Variants in CDKL1 observed in about 807,000 individuals in gnomAD.
The protein encoded by CDKL1 is cyclin dependent kinase like 1.
A neutral mutation model predicts 42.0 loss-of-function variants in CDKL1; 41 were observed. The ratio of observed to expected loss-of-function variants is 0.98; its 90% CI spans 0.76 to 1.27. The LOEUF is 1.27. Among genes scored for constraint, CDKL1 ranks in the 50% most tolerant of loss-of-function variants. The pLI is 0.00. For synonymous variants in CDKL1, 153 were observed against 158.6 expected, an observed-to-expected ratio of 0.96 and a Z score of 0.26; for missense variants, 394 against 428.4, an observed-to-expected ratio of 0.92 and a Z score of 0.71.
intron 2 of CDKL1, chr14:50,378,163 G>A: frequency 1.5e-6 from 2 of 1,365,934 alleles, no homozygotes; most frequent in Non-Finnish European, 2.0e-6. Flanking sequence ...CTGTAGGTTA[G>A]CTGCTTCCTT....
At chr14:50,377,527 A>C (rs774371418) in intron 2 of CDKL1, 3 of 1,279,220 alleles carry the variant, frequency 2.3e-6, no homozygotes, top group South Asian at 1.4e-5. Context: ...TGCACAGTCT[A>C]AGACCATTGG....
upstream of CDKL1, chr14:50,397,013 A>C: frequency 3.5e-6 from 4 of 1,145,468 alleles, no homozygotes; most frequent in Non-Finnish European, 4.6e-6. Flanking sequence ...GGCTGCAGGG[A>C]AAGGCCTCGG....
At chr14:50,378,085 C>T (rs2034786117) in intron 2 of CDKL1, 2 of 1,156,784 alleles carry the variant, frequency 1.7e-6, no homozygotes, top group African/African-American at 3.2e-5. Flanking sequence ...CGAGAAAGAG[C>T]CTGAGAATCT....
chr14:50,346,849 A>T (rs1001566017), intron 3 of CDKL1, among the ~76,000 whole-genome samples: 1 of 151,838 alleles, frequency 6.6e-6, no homozygotes, highest in Admixed American at 6.6e-5. Flanking sequence ...GAGTTTCACC[A>T]TGTTGACCAG....
intron 2 of CDKL1, among the ~76,000 whole-genome samples, chr14:50,385,063 T>A (rs2035033925): frequency 9.9e-6 from 1 of 100,950 alleles, no homozygotes; most frequent in South Asian, 4.0e-4. Flanking sequence ...AGAGCAAGAC[T>A]CTGTCTCAAA....
intron 2 of CDKL1, among the ~76,000 whole-genome samples, chr14:50,367,945 AATTTTC>A (rs1334294940): frequency 6.6e-6 from 1 of 152,076 alleles, no homozygotes; most frequent in Non-Finnish European, 1.5e-5. Context: ...TGTTTTTTAA[AATTTTC>A]ATTTTCAAAT....
At chr14:50,341,409 T>G (rs1452335005) in intron 5 of CDKL1, among the ~76,000 whole-genome samples, 177 bp from the exon 6 acceptor site, 1 of 130,692 alleles carries the variant, frequency 7.7e-6, no homozygotes, top group African/African-American at 2.7e-5. Context: ...TTACTGATGC[T>G]CAAGCCACAC....
chr14:50,362,943 T>G, intron 2 of CDKL1: 1 of 463,766 alleles, frequency 2.2e-6, no homozygotes, highest in Non-Finnish European at 4.5e-6. Flanking sequence ...TTGCAATAAA[T>G]CTTGCTGCTG....
chr14:50,340,463 T>C (rs2033472945), intron 6 of CDKL1, among the ~76,000 whole-genome samples: 1 of 152,116 alleles, frequency 6.6e-6, no homozygotes, highest in Admixed American at 6.5e-5. Flanking sequence ...GGTTTTTTTT[T>C]CTCATCTTCC....
intron 2 of CDKL1, among the ~76,000 whole-genome samples, chr14:50,385,667 G>A (rs571532086): frequency 1.4e-4 from 22 of 152,112 alleles, no homozygotes; most frequent in East Asian, 1.4e-3. Context: ...AGCCAGGCGC[G>A]GTGGCAGGTG....
chr14:50,395,005 T>C (rs1474315200), intron 2 of CDKL1, among the ~76,000 whole-genome samples: 1 of 152,198 alleles, frequency 6.6e-6, no homozygotes, highest in African/African-American at 2.4e-5. Context: ...AAGTGATCAT[T>C]TCACTTCTTT....
chr14:50,345,923 G>A (rs1303636643), intron 3 of CDKL1, among the ~76,000 whole-genome samples: 2 of 152,134 alleles, frequency 1.3e-5, no homozygotes, highest in African/African-American at 2.4e-5. Flanking sequence ...CATCTCGCCT[G>A]GAAACATTTA....
intron 2 of CDKL1, among the ~76,000 whole-genome samples, chr14:50,381,418 T>C (rs1237621853): frequency 6.6e-6 from 1 of 152,188 alleles, no homozygotes; most frequent in African/African-American, 2.4e-5. Context: ...GGTAGCTCCT[T>C]TTCCCAACTC....
chr14:50,369,633 C>T (rs1043756080), intron 2 of CDKL1, among the ~76,000 whole-genome samples: 4 of 149,298 alleles, frequency 2.7e-5, no homozygotes, highest in Admixed American at 6.7e-5. Flanking sequence ...CACACACACA[C>T]ACATATATAT....
intron 2 of CDKL1, among the ~76,000 whole-genome samples, chr14:50,388,884 G>T (rs945132609): frequency 6.6e-6 from 1 of 151,774 alleles, no homozygotes; most frequent in Non-Finnish European, 1.5e-5. Flanking sequence ...CGGATCATGA[G>T]ATCAGGAGTT....
Position 50,328,926 on chromosome 14 carries a change from C to CACAT in CDKL1, c.*1144_*1147dup, listed in dbSNP as rs1336458731. On this transcript the variant is annotated 3_prime_UTR_variant, in exon 10 of 10. Transcript: ENST00000395834. ...AGGTTTTATATATATATATAAAAAA[C>CACAT]ACATATATATATATGTGTGTGTGTG... 4.6e-5 allele frequency: 4 copies of CACAT among 87,260 alleles called. No individual in the cohort carries two copies. Among genetic ancestry groups the CACAT allele is most frequent in the East Asian group, 3.6e-4 (1 of 2,806 alleles). 5.4% of individuals were successfully genotyped at this position (87,260 alleles called of 1,614,324 possible).
rs2032758198 is a variant in CDKL1, at chr14:50,327,600, G to C, written c.*2474C>G. On this transcript the variant is annotated 3_prime_UTR_variant, in exon 10 of 10. Coordinates refer to ENST00000395834, the MANE Select transcript of CDKL1 (RefSeq NM_004196.7). ...CTGTCGCAGCGTCCCAGGTAGCTGG[G>C]ATTACAGGCGCCCACCACCACGCCC... 1 of 151,476 alleles carries C rather than the reference G, an allele frequency of 6.6e-6. No individual in the cohort carries two copies. Among genetic ancestry groups the C allele is most frequent in the African/African-American group, 2.4e-5 (1 of 41,174 alleles). 9.4% of individuals were successfully genotyped at this position (151,476 alleles called of 1,614,324 possible). A position where few individuals can be genotyped will look rare whatever the true frequency, so the allele number is the denominator to read the frequency against.
upstream of CDKL1, chr14:50,397,273 TG>T (rs757178132): frequency 3.7e-6 from 5 of 1,366,462 alleles, no homozygotes; most frequent in South Asian, 5.7e-5. Flanking sequence ...GTGTCTGTGC[TG>T]ATCAGTGCTG....
Position 50,341,104 on chromosome 14 carries a change from G to T in CDKL1, c.583C>A (p.Leu195Met). The change falls in exon 6 of 10, where the codon CTG becomes ATG. Residue 195 changes from leucine (L) to methionine (M), a missense_variant. Transcript: ENST00000395834. ...GGCCACAGAGGCACTCCTGACAGCA[G>T]CTCAGCAAAGACACAGCCAATTGCC... ...VWAIGCVFAELLSGVPLWPGK... is the reference protein window; with the variant it reads ...VWAIGCVFAEMLSGVPLWPGK... The T allele has an allele frequency of 6.2e-7, 1 of 1,614,196 alleles. No homozygotes were observed. Among genetic ancestry groups the T allele is most frequent in the Non-Finnish European group, 8.5e-7 (1 of 1,180,044 alleles).
Sources: gnomAD v4.1 joint callset for allele counts (sites outside exome capture counted in the v4.1 genomes callset) on GRCh38, gnomAD v4.1.1 for gene constraint, MANE v1.5 for transcripts, NCBI Gene and HGNC (gene_info 2026-07-23, HGNC 2026-07-21) for gene names.